Variants in GALNTL6 observed in about 807,000 individuals in gnomAD.
GALNTL6 encodes polypeptide N-acetylgalactosaminyltransferase like 6.
A neutral mutation model predicts 73.7 loss-of-function variants in GALNTL6; 46 were observed. The observed-to-expected ratio is 0.62, with a 90% confidence interval of 0.49 to 0.80. The LOEUF (loss-of-function observed/expected upper bound fraction) is 0.80, where lower values mean the gene tolerates loss of function less well. Among genes scored for constraint, GALNTL6 ranks in the 30% least tolerant of loss-of-function variants. The pLI is 0.00. For missense variants in GALNTL6, 604 were observed against 755.0 expected (o/e 0.80, Z 2.34); for synonymous variants, 259 against 263.7 (o/e 0.98, Z 0.17).
chr4:173,005,762 T>G (rs1015725206), intron 10 of GALNTL6, among the ~76,000 whole-genome samples: 1 of 152,160 alleles, frequency 6.6e-6, no homozygotes, highest in African/African-American at 2.4e-5. Flanking sequence ...CCTTATCCTA[T>G]AGTGAACTCA....
At chr4:172,573,754 A>G (rs1400692099) in intron 5 of GALNTL6, among the ~76,000 whole-genome samples, 1 of 152,178 alleles carries the variant, frequency 6.6e-6, no homozygotes, top group African/African-American at 2.4e-5. Context: ...GGCTATATCT[A>G]TACATATAAT....
At chr4:172,284,350 A>C (rs1739174887) in intron 3 of GALNTL6, among the ~76,000 whole-genome samples, 1 of 152,126 alleles carries the variant, frequency 6.6e-6, no homozygotes, top group African/African-American at 2.4e-5. Flanking sequence ...ATAGTGGTGA[A>C]GTCTTAGTTT....
chr4:172,172,833 T>A (rs1734876125), intron 2 of GALNTL6, among the ~76,000 whole-genome samples: 2 of 152,210 alleles, frequency 1.3e-5, no homozygotes, highest in South Asian at 2.1e-4. Flanking sequence ...CAGATCCTCC[T>A]GAATCTAAAT....
chr4:172,773,498 T>C (rs1738895801), intron 5 of GALNTL6, among the ~76,000 whole-genome samples: 1 of 152,170 alleles, frequency 6.6e-6, no homozygotes, highest in Non-Finnish European at 1.5e-5. Context: ...TGGTCCTTAT[T>C]TATGACCTTA....
chr4:171,933,855 C>T (rs332982), intron 2 of GALNTL6, among the ~76,000 whole-genome samples: 116,833 of 152,020 alleles, frequency 0.77, 45,190 homozygotes, highest in Admixed American at 0.86. Context: ...CAAGATTAGA[C>T]AGCATTTAGA....
chr4:171,863,565 AT>A (rs1394407164), intron 2 of GALNTL6, among the ~76,000 whole-genome samples: 1 of 151,948 alleles, frequency 6.6e-6, no homozygotes, highest in Admixed American at 6.6e-5. Context: ...TCTTTCTGTA[AT>A]TCAGTAGCTA....
chr4:172,657,172 CTCT>C (rs1305036083), intron 5 of GALNTL6, among the ~76,000 whole-genome samples: 2 of 152,306 alleles, frequency 1.3e-5, no homozygotes, highest in South Asian at 2.1e-4. Context: ...TTTCTCTTTT[CTCT>C]TCTTCAAGCT....
chr4:172,246,831 A>AT (rs34186832), intron 3 of GALNTL6, among the ~76,000 whole-genome samples: 74 of 148,934 alleles, frequency 5.0e-4, no homozygotes, highest in African/African-American at 1.7e-3. Flanking sequence ...TATATATATA[A>AT]ATATAAAATT....
chr4:172,810,793 AG>A (rs1036537184), intron 6 of GALNTL6, among the ~76,000 whole-genome samples: 1 of 152,182 alleles, frequency 6.6e-6, no homozygotes, highest in African/African-American at 2.4e-5. Context: ...ACCTTGTCCA[AG>A]GACACAGCAA....
chr4:172,362,798 G>T (rs1742417488), intron 5 of GALNTL6, among the ~76,000 whole-genome samples: 1 of 152,074 alleles, frequency 6.6e-6, no homozygotes, highest in African/African-American at 2.4e-5. Flanking sequence ...CCTATGAATT[G>T]CTCTTATGAT....
chr4:171,875,453 C>T (rs1319808668), intron 2 of GALNTL6, among the ~76,000 whole-genome samples: 1 of 152,110 alleles, frequency 6.6e-6, no homozygotes, highest in South Asian at 2.1e-4. Context: ...CTAGTTCCCT[C>T]CCAGGTCTGT....
chr4:172,092,862 T>A (rs935638466), intron 2 of GALNTL6, among the ~76,000 whole-genome samples: 9 of 141,094 alleles, frequency 6.4e-5, no homozygotes, highest in African/African-American at 9.3e-5. Context: ...CTAAAGCTAA[T>A]TTTTTTTCTT....
At chr4:172,082,560 GA>G (rs1230848609) in intron 2 of GALNTL6, among the ~76,000 whole-genome samples, 1 of 152,148 alleles carries the variant, frequency 6.6e-6, no homozygotes, top group Admixed American at 6.5e-5. Flanking sequence ...CTGCCAAGGA[GA>G]AAGACAATGA....
intron 9 of GALNTL6, among the ~76,000 whole-genome samples, chr4:172,936,385 T>C (rs1338129052): frequency 6.6e-6 from 1 of 152,070 alleles, no homozygotes; most frequent in Non-Finnish European, 1.5e-5. Context: ...AAGGATACCC[T>C]CTCTCACCAC....
chr4:172,755,036 C>T (rs773270540), intron 5 of GALNTL6, among the ~76,000 whole-genome samples: 2 of 152,042 alleles, frequency 1.3e-5, no homozygotes, highest in African/African-American at 2.4e-5. Context: ...GGGGACTGAG[C>T]CTGCACTAGA....
At chr4:172,340,496 G>A (rs1328108332) in intron 4 of GALNTL6, among the ~76,000 whole-genome samples, 1 of 152,014 alleles carries the variant, frequency 6.6e-6, no homozygotes, top group Admixed American at 6.6e-5. Flanking sequence ...TCAGGGTAGC[G>A]CTGGCCTCAT....
chr4:172,910,393 A>G (rs1165596861), intron 8 of GALNTL6, among the ~76,000 whole-genome samples: 1 of 152,214 alleles, frequency 6.6e-6, no homozygotes, highest in East Asian at 1.9e-4. Flanking sequence ...AACTGACCAC[A>G]TAATTGACTT....
At chr4:172,632,535 T>C (rs1436094961) in intron 5 of GALNTL6, among the ~76,000 whole-genome samples, 2 of 152,002 alleles carry the variant, frequency 1.3e-5, no homozygotes. Flanking sequence ...TAATTTAAGG[T>C]ATCTGGCATA....
chr4:172,329,339 G>A (rs1741047401), intron 4 of GALNTL6, among the ~76,000 whole-genome samples: 1 of 152,128 alleles, frequency 6.6e-6, no homozygotes, highest in South Asian at 2.1e-4. Flanking sequence ...CACCTAGTGA[G>A]AAGATACAGG....
Sources: allele counts gnomAD v4.1 joint callset (sites outside exome capture counted in the v4.1 genomes callset), GRCh38; gene constraint gnomAD v4.1.1; transcripts MANE v1.5; gene names NCBI Gene and HGNC (gene_info 2026-07-23, HGNC 2026-07-21).